The following CHN2 variants were observed in gnomAD, a reference collection of about 807,000 sequenced individuals.
The protein encoded by CHN2 is chimerin 2.
A neutral mutation model predicts 56.3 loss-of-function variants in CHN2; 35 were observed. The observed-to-expected ratio is 0.62, with a 90% CI of 0.47 to 0.82. The LOEUF (loss-of-function observed/expected upper bound fraction) is 0.82, where lower values mean the gene tolerates loss of function less well. Among genes scored for constraint, CHN2 ranks in the 40% least tolerant of loss-of-function variants. The pLI, the probability that CHN2 is intolerant of heterozygous loss-of-function variation, is 0.00. For missense variants in CHN2, 491 were observed against 580.5 expected, an observed-to-expected ratio of 0.85 and a Z score of 1.58; for synonymous variants, 210 against 212.8, an observed-to-expected ratio of 0.99 and a Z score of 0.12.
rs568513489 is a variant in CHN2, at chr7:29,238,162, C to T, written c.49+43172C>T. On this transcript the variant is annotated intron_variant, in intron 1 of 12. Transcript: ENST00000222792. ...CCTCCCGAGTAGCTGGGACTACAGG[C>T]GTGTGCCACCACGCCCGGCTAATAT... Among the ~76,000 whole-genome samples the T allele has an allele frequency of 5.6e-3, 853 of 151,866 alleles. 3 individuals are homozygous for T. Among genetic ancestry groups the T allele is most frequent in the African/African-American group, 0.02 (813 of 41,380 alleles).
intron 1 of CHN2, among the ~76,000 whole-genome samples, chr7:29,298,597 C>G (rs6949379): frequency 0.22 from 33,514 of 152,128 alleles, 4,216 homozygotes; most frequent in Non-Finnish European, 0.29. Flanking sequence ...AAAAGGAAAC[C>G]TCCGAGTAAT....
At chr7:29,288,240 C>T (rs975924807) in intron 1 of CHN2, among the ~76,000 whole-genome samples, 5 of 152,166 alleles carry the variant, frequency 3.3e-5, no homozygotes, top group African/African-American at 1.2e-4. Context: ...TGGCCTTGGA[C>T]AAGTCAATTC....
chr7:29,493,737 C>T lies in CHN2; in HGVS notation c.655-2215C>T, dbSNP rs920461985. On this transcript the variant is annotated intron_variant, in intron 7 of 12. Transcript: ENST00000222792. ...CTTCAAAATATACCTCAAATTCTTC[C>T]ACTTTCCATCTCCACTGCCAGCATC... Among the ~76,000 whole-genome samples, 32 of 152,264 alleles carry T rather than the reference C, an allele frequency of 2.1e-4. 1 individual carries two copies. Among genetic ancestry groups the T allele is most frequent in the African/African-American group, 7.5e-4 (31 of 41,546 alleles).
At chr7:29,474,918 ATTGCTTAG>A (rs746929416) in intron 6 of CHN2, among the ~76,000 whole-genome samples, 22 of 152,182 alleles carry the variant, frequency 1.4e-4, no homozygotes, top group Non-Finnish European at 3.1e-4. Flanking sequence ...AGGAGGAGCC[ATTGCTTAG>A]ATGAACCTCT....
chr7:29,384,661 AAAATAT>A (rs1331019879), intron 3 of CHN2, among the ~76,000 whole-genome samples: 13 of 152,310 alleles, frequency 8.5e-5, no homozygotes, highest in Middle Eastern at 3.4e-3. Context: ...CATTACTTTT[AAAATAT>A]AAATATAAAT....
At chr7:29,313,229 C>G (rs1279541457) in intron 1 of CHN2, among the ~76,000 whole-genome samples, 1 of 152,198 alleles carries the variant, frequency 6.6e-6, no homozygotes, top group Non-Finnish European at 1.5e-5. Context: ...CAGCCCTAGT[C>G]CTCCTCAGCC....
intron 6 of CHN2, among the ~76,000 whole-genome samples, chr7:29,422,604 A>G (rs982663890): frequency 2.0e-5 from 3 of 152,256 alleles, no homozygotes; most frequent in African/African-American, 7.2e-5. Flanking sequence ...AGGAGTATTT[A>G]CTTAGAAAAG....
intron 1 of CHN2, among the ~76,000 whole-genome samples, chr7:29,331,813 G>A (rs1470946327): frequency 6.6e-6 from 1 of 152,142 alleles, no homozygotes; most frequent in African/African-American, 2.4e-5. Context: ...TGTAATCCCA[G>A]CACTTTGGGA....
intron 11 of CHN2, among the ~76,000 whole-genome samples, chr7:29,508,208 G>C (rs1790825487): frequency 6.6e-6 from 1 of 151,996 alleles, no homozygotes. Flanking sequence ...ATCAGCCCGG[G>C]GTTGCTCATT....
chr7:29,395,675 T>C (rs750337528), intron 4 of CHN2, among the ~76,000 whole-genome samples: 3 of 152,216 alleles, frequency 2.0e-5, no homozygotes, highest in Non-Finnish European at 4.4e-5. Flanking sequence ...TCTTACCAAG[T>C]TGCAGTCATA....
intron 1 of CHN2, among the ~76,000 whole-genome samples, chr7:29,319,632 T>G (rs1795199526): frequency 6.6e-6 from 1 of 152,150 alleles, no homozygotes; most frequent in South Asian, 2.1e-4. Context: ...AAGATAACAC[T>G]AGGTTAGCAT....
chr7:29,316,486 A>T (rs1481565717), intron 1 of CHN2, among the ~76,000 whole-genome samples: 1 of 152,216 alleles, frequency 6.6e-6, no homozygotes, highest in African/African-American at 2.4e-5. Flanking sequence ...TTAGAATCAC[A>T]TATTCACTGT....
chr7:29,208,173 C>G (rs182056423), intron 1 of CHN2, among the ~76,000 whole-genome samples: 1 of 152,248 alleles, frequency 6.6e-6, no homozygotes, highest in African/African-American at 2.4e-5. Context: ...TAAAGACAGA[C>G]GTCTTTGGGG....
chr7:29,162,375 A>G (rs1248402401), intron 2 of CHN2, among the ~76,000 whole-genome samples: 5 of 152,198 alleles, frequency 3.3e-5, no homozygotes, highest in Non-Finnish European at 5.9e-5. Flanking sequence ...TAAGAACATT[A>G]TGATGGCCAG....
At chr7:29,329,031 G>T (rs552530365) in intron 1 of CHN2, among the ~76,000 whole-genome samples, 13 of 152,200 alleles carry the variant, frequency 8.5e-5, no homozygotes, top group Admixed American at 2.6e-4. Context: ...ACTTAAAAGG[G>T]CCACATGGAA....
intron 2 of CHN2, among the ~76,000 whole-genome samples, chr7:29,179,382 C>T (rs974509197): frequency 6.6e-6 from 1 of 152,208 alleles, no homozygotes; most frequent in African/African-American, 2.4e-5. Context: ...TTCAGTCAGC[C>T]TTGTTGAAGA....
chr7:29,202,010 T>C (rs3812392), intron 1 of CHN2, among the ~76,000 whole-genome samples: 5,216 of 152,304 alleles, frequency 0.034, 323 homozygotes, highest in East Asian at 0.2. Context: ...TGAGGTATGA[T>C]TCAAGCTTTA....
chr7:29,324,887 A>T (rs1562518456), intron 1 of CHN2, among the ~76,000 whole-genome samples: 1 of 152,200 alleles, frequency 6.6e-6, no homozygotes, highest in African/African-American at 2.4e-5. Context: ...TCCCTGGGAT[A>T]AGAACAAGAA....
chr7:29,430,648 T>G (rs1585367198), intron 6 of CHN2, among the ~76,000 whole-genome samples: 1 of 151,988 alleles, frequency 6.6e-6, no homozygotes, highest in Non-Finnish European at 1.5e-5. Context: ...CGCATCAGAG[T>G]AGGTTACCAT....
Sources: gnomAD v4.1 joint callset for allele counts (sites outside exome capture counted in the v4.1 genomes callset) on GRCh38, gnomAD v4.1.1 for gene constraint, MANE v1.5 for transcripts, NCBI Gene and HGNC (gene_info 2026-07-23, HGNC 2026-07-21) for gene names.